Variants in RNF214 observed in about 807,000 individuals in gnomAD.
RNF214 encodes ring finger protein 214.
In RNF214, 25 loss-of-function variants were observed where a neutral mutation model predicts 75.9. That is an observed-to-expected ratio of 0.33 (90% confidence interval 0.24 to 0.46). The LOEUF (loss-of-function observed/expected upper bound fraction) is 0.46. Among genes scored for constraint, RNF214 ranks in the 20% least tolerant of loss-of-function variants. RNF214 has a pLI of 1.00. For missense variants in RNF214, 725 were observed against 857.5 expected (o/e 0.85, Z 1.93); for synonymous variants, 314 against 308.8 (o/e 1.02, Z -0.18).
rs746813660 is a variant in RNF214, at chr11:117,244,599, A to G, written c.819+14A>G. On this transcript the variant is annotated intron_variant, in intron 5 of 14. Coordinates refer to ENST00000300650, the MANE Select transcript of RNF214 (RefSeq NM_207343.4). ...AAGAATCACCAGGTATTTTGCTTAT[A>G]TTGAAATTGTCAATGAGTTAAGCAA... 5.7e-6 allele frequency: 9 copies of G among 1,586,008 alleles called. No homozygotes were observed. In the Middle Eastern group the frequency reaches 1.0e-3, roughly 176 times the overall value.
chr11:117,265,467 G>T (rs543083900), intron 6 of RNF214, among the ~76,000 whole-genome samples: 7 of 152,046 alleles, frequency 4.6e-5, no homozygotes, highest in Non-Finnish European at 1.5e-5. Context: ...AGGCTGGAGT[G>T]CAATGGCGTG....
At chr11:117,279,829 G>A (rs1395309440) in intron 6 of RNF214, 79 bp from the exon 7 acceptor site, 1 of 1,005,496 alleles carries the variant, frequency 9.9e-7, no homozygotes, top group African/African-American at 1.6e-5. Flanking sequence ...GACCAATTTT[G>A]GGTTGTACTT....
intron 6 of RNF214, among the ~76,000 whole-genome samples, chr11:117,248,505 A>G (rs2033288186): frequency 6.6e-6 from 1 of 152,260 alleles, no homozygotes; most frequent in Non-Finnish European, 1.5e-5. Context: ...CTAATGCGTC[A>G]GACTGCTGAG....
intron 3 of RNF214, chr11:117,239,473 G>GTATC: frequency 2.2e-6 from 1 of 457,978 alleles, no homozygotes; most frequent in Non-Finnish European, 3.9e-6. Context: ...GAAGTACAGT[G>GTATC]TATCCTGCCT....
chr11:117,247,635 G>A (rs550239793), intron 6 of RNF214, among the ~76,000 whole-genome samples: 3 of 152,176 alleles, frequency 2.0e-5, no homozygotes, highest in South Asian at 2.1e-4. Flanking sequence ...GGTGGATCAC[G>A]AGGTCAGGAG....
At chr11:117,247,090 T>C in intron 6 of RNF214, 142 bp downstream of exon 6, 1 of 637,984 alleles carries the variant, frequency 1.6e-6, no homozygotes, top group Non-Finnish European at 2.5e-6. Flanking sequence ...TCCAATGACT[T>C]TAGCTTTTTC....
intron 6 of RNF214, among the ~76,000 whole-genome samples, chr11:117,266,033 A>T (rs2033788953): frequency 6.6e-6 from 1 of 152,182 alleles, no homozygotes. Flanking sequence ...GAGGTGGTAG[A>T]TATCAATAGT....
chr11:117,247,888 A>G (rs149254638), intron 6 of RNF214, among the ~76,000 whole-genome samples: 47 of 151,806 alleles, frequency 3.1e-4, no homozygotes, highest in African/African-American at 1.1e-3. Context: ...AAAAAAAAAC[A>G]AAGTTCAGAC....
At chr11:117,259,693 A>C (rs932662449) in intron 6 of RNF214, among the ~76,000 whole-genome samples, 4 of 151,002 alleles carry the variant, frequency 2.6e-5, no homozygotes, top group African/African-American at 9.7e-5. Flanking sequence ...CTCTTTTTCT[A>C]CTTGCTTATT....
intron 6 of RNF214, among the ~76,000 whole-genome samples, chr11:117,272,052 G>A (rs1399895200): frequency 1.3e-5 from 2 of 152,140 alleles, no homozygotes; most frequent in African/African-American, 4.8e-5. Context: ...GGGCTCAAGT[G>A]ATCCTCCTAC....
chr11:117,235,150 A>T (rs2032867331), intron 2 of RNF214, among the ~76,000 whole-genome samples: 1 of 152,210 alleles, frequency 6.6e-6, no homozygotes, highest in African/African-American at 2.4e-5. Flanking sequence ...TACAGATGCA[A>T]CCATCCAATT....
intron 6 of RNF214, among the ~76,000 whole-genome samples, chr11:117,269,476 C>T (rs544918381): frequency 1.3e-5 from 2 of 152,262 alleles, no homozygotes; most frequent in African/African-American, 4.8e-5. Flanking sequence ...GATCCTCCCA[C>T]CTTAGCTTCC....
intron 6 of RNF214, among the ~76,000 whole-genome samples, chr11:117,247,356 G>A (rs1415994280): frequency 2.6e-5 from 4 of 152,124 alleles, no homozygotes; most frequent in South Asian, 2.1e-4. Flanking sequence ...TTAGCTGGTT[G>A]TGGTGGCACG....
intron 6 of RNF214, among the ~76,000 whole-genome samples, chr11:117,266,625 G>T (rs1001630524): frequency 6.6e-6 from 1 of 151,954 alleles, no homozygotes; most frequent in East Asian, 1.9e-4. Flanking sequence ...CTCCCAAAGC[G>T]CTGGGATTAC....
intron 6 of RNF214, among the ~76,000 whole-genome samples, chr11:117,278,857 G>A (rs188086535): frequency 2.0e-5 from 3 of 152,306 alleles, no homozygotes; most frequent in African/African-American, 7.2e-5. Context: ...GTGGGAGGCC[G>A]AGGTGGCAGG....
At chr11:117,239,164 A>T in intron 3 of RNF214, 53 bp downstream of exon 3, 793 of 1,167,782 alleles carry the variant, frequency 6.8e-4, no homozygotes, top group Non-Finnish European at 8.6e-4. Flanking sequence ...GGTGGGGTTC[A>T]GGGTGGGAGA....
chr11:117,253,480 G>T (rs1174057458), intron 6 of RNF214, among the ~76,000 whole-genome samples: 1 of 152,136 alleles, frequency 6.6e-6, no homozygotes, highest in African/African-American at 2.4e-5. Context: ...GCTGGCATTA[G>T]AAAGGTGAGG....
chr11:117,255,486 A>G (rs2033497907), intron 6 of RNF214, among the ~76,000 whole-genome samples: 2 of 151,842 alleles, frequency 1.3e-5, no homozygotes, highest in Admixed American at 6.6e-5. Context: ...TTCATTGTCA[A>G]TATTCAATAT....
At chr11:117,251,071 C>A (rs11501115) in intron 6 of RNF214, among the ~76,000 whole-genome samples, 2 of 150,352 alleles carry the variant, frequency 1.3e-5, no homozygotes, top group Admixed American at 6.6e-5. Flanking sequence ...ACCTTTCCCC[C>A]CTTTCTATTC....
Sources: allele counts gnomAD v4.1 joint callset (sites outside exome capture counted in the v4.1 genomes callset), GRCh38; gene constraint gnomAD v4.1.1; transcripts MANE v1.5; gene names NCBI Gene and HGNC (gene_info 2026-07-23, HGNC 2026-07-21).